Variants in BLMH observed in about 807,000 individuals in gnomAD.
BLMH encodes BLM hydrolase.
Under a neutral mutation model 61.6 loss-of-function variants are expected in BLMH, and 32 were observed. The observed-to-expected ratio is 0.52, with a 90% confidence interval of 0.39 to 0.70. The LOEUF (loss-of-function observed/expected upper bound fraction) is 0.70. Ranked by LOEUF, BLMH falls within the 30% of genes least tolerant of loss-of-function variation. The pLI is 0.00. For missense variants in BLMH, 460 were observed against 555.5 expected (o/e 0.83, Z 1.73); for synonymous variants, 183 against 193.8 (o/e 0.94, Z 0.46).
At chr17:30,284,357 A>G (rs940736853) in intron 6 of BLMH, among the ~76,000 whole-genome samples, 3 of 152,240 alleles carry the variant, frequency 2.0e-5, no homozygotes, top group Non-Finnish European at 4.4e-5. Flanking sequence ...GCCTGACTTC[A>G]GAGATTACAC....
chr17:30,291,723 G>A, intron 1 of BLMH, 84 bp downstream of exon 1: 1 of 1,416,514 alleles, frequency 7.1e-7, no homozygotes, highest in East Asian at 2.5e-5. Flanking sequence ...AAGGGTCCCA[G>A]CCCCCGGCCT....
chr17:30,255,462 A>T (rs1238474869), intron 11 of BLMH, among the ~76,000 whole-genome samples: 1 of 152,222 alleles, frequency 6.6e-6, no homozygotes, highest in Non-Finnish European at 1.5e-5. Context: ...AAATTTCCTT[A>T]TATCCTAATC....
intron 10 of BLMH, 131 bp downstream of exon 10, chr17:30,271,140 T>C (rs1324786615): frequency 1.4e-6 from 1 of 699,214 alleles, no homozygotes; most frequent in Non-Finnish European, 2.5e-6. Flanking sequence ...GCAGGTACGA[T>C]GTCTTACTTG....
chr17:30,289,317 G>C (rs1908818317), intron 3 of BLMH, 56 bp downstream of exon 3: 3 of 1,145,308 alleles, frequency 2.6e-6, no homozygotes, highest in African/African-American at 3.2e-5. Context: ...AGAAGAGGCA[G>C]TCCCTACCAA....
intron 11 of BLMH, among the ~76,000 whole-genome samples, chr17:30,265,248 A>C (rs997986738): frequency 4.6e-5 from 7 of 152,344 alleles, no homozygotes; most frequent in Middle Eastern, 3.4e-3. Context: ...AAAGCCCTCG[A>C]ATGACAAATA....
At chr17:30,265,908 CAAT>C (rs1908090773) in intron 11 of BLMH, among the ~76,000 whole-genome samples, 1 of 151,956 alleles carries the variant, frequency 6.6e-6, no homozygotes, top group African/African-American at 2.4e-5. Context: ...CAAAATTTTA[CAAT>C]AATATACCCT....
intron 9 of BLMH, 26 bp from the exon 10 acceptor site, chr17:30,271,414 T>C: frequency 6.3e-7 from 1 of 1,576,226 alleles, no homozygotes; most frequent in South Asian, 1.1e-5. Flanking sequence ...TAGTACAAAA[T>C]AAAGGGAGTA....
At chr17:30,276,056 C>T (rs549415850) in intron 6 of BLMH, among the ~76,000 whole-genome samples, 1 of 151,914 alleles carries the variant, frequency 6.6e-6, no homozygotes, top group East Asian at 1.9e-4. Flanking sequence ...GAGATTGAGA[C>T]ACAAAGAAAC....
At chr17:30,261,306 G>A (rs1907952657) in intron 11 of BLMH, among the ~76,000 whole-genome samples, 1 of 152,176 alleles carries the variant, frequency 6.6e-6, no homozygotes, top group African/African-American at 2.4e-5. Context: ...CATAAAACCT[G>A]GGTATAATCA....
At chr17:30,278,606 T>C (rs1597664863) in intron 6 of BLMH, among the ~76,000 whole-genome samples, 1 of 152,308 alleles carries the variant, frequency 6.6e-6, no homozygotes, top group African/African-American at 2.4e-5. Context: ...CACTGTTTAA[T>C]CTCCAATGCC....
At chr17:30,254,712 A>G (rs916489820) in intron 11 of BLMH, among the ~76,000 whole-genome samples, 1 of 152,230 alleles carries the variant, frequency 6.6e-6, no homozygotes. Flanking sequence ...ACCCAAACTC[A>G]TCATAAAAAG....
In BLMH at chr17:30,272,874, G is replaced by C; in HGVS notation, c.827C>G (p.Pro276Arg). ...GTAAAGTTTGTTGTACTTGTGCTGGGGCCTAGGGTCATTCACTAAACAAAT... is the reference window on the plus strand; with the variant it reads ...GTAAAGTTTGTTGTACTTGTGCTGGCGCCTAGGGTCATTCACTAAACAAAT... ...DKICLVNDPR[P>R]QHKYNKLYTV... The change falls in exon 8 of 12, where the codon CCC (proline) becomes CGC (arginine). Residue 276 changes from proline (P) to arginine (R), a missense_variant. Pro to Arg is a moderately radical substitution (Grantham distance 103). Coordinates refer to ENST00000261714, the MANE Select transcript of BLMH (RefSeq NM_000386.4). The C allele has an allele frequency of 6.2e-7, 1 of 1,613,720 alleles. No individual in the cohort carries two copies.
chr17:30,275,685 CA>C (rs1473260139), intron 6 of BLMH, among the ~76,000 whole-genome samples: 71 of 136,164 alleles, frequency 5.2e-4, no homozygotes, highest in Admixed American at 4.4e-4. Context: ...GACTCCATCT[CA>C]AAAAAAAAAA....
chr17:30,278,016 CAA>C (rs1384718075), intron 6 of BLMH, among the ~76,000 whole-genome samples: 1 of 151,936 alleles, frequency 6.6e-6, no homozygotes, highest in Non-Finnish European at 1.5e-5. Context: ...ATAAATTATC[CAA>C]AGTCATTAAT....
rs991028274 is a variant in BLMH at position 30,288,278 on chromosome 17, T to A, written c.322-331A>T. 8.9e-5 allele frequency: 21 copies of A among 234,812 alleles called. No homozygotes were observed. The Admixed American group carries it at 1.1e-3, about 12-fold the overall frequency. The allele number at this position is 234,812 out of a possible 1,614,324, so 14.5% of individuals were successfully genotyped here. A position where few individuals can be genotyped will look rare whatever the true frequency, so the allele number is the denominator to read the frequency against. On this transcript the variant is annotated intron_variant, in intron 3 of 11. Transcript: ENST00000261714. ...TCTTTTACCTGTGTATGTATCCCAATATATTGTGTATATGTGTACAGTGTT... is the reference window on the plus strand; with the variant it reads ...TCTTTTACCTGTGTATGTATCCCAAAATATTGTGTATATGTGTACAGTGTT...
intron 2 of BLMH, among the ~76,000 whole-genome samples, chr17:30,290,519 C>T (rs1235636546): frequency 6.6e-6 from 1 of 152,194 alleles, no homozygotes; most frequent in Non-Finnish European, 1.5e-5. Context: ...ATAAAATGTA[C>T]TCACGTTAAA....
At chr17:30,285,946 A>AT (rs1908716272) in intron 5 of BLMH, among the ~76,000 whole-genome samples, 1 of 151,114 alleles carries the variant, frequency 6.6e-6, no homozygotes, top group South Asian at 2.1e-4. Flanking sequence ...TTTTCATTTC[A>AT]TTTTTTCACC....
In BLMH at chr17:30,285,357, G is replaced by C. The variant is rs368757390; in HGVS notation, c.645+31C>G. On this transcript the variant is annotated intron_variant, in intron 6 of 11. Transcript: ENST00000261714. ...GAATATTCTGAGAGTTCCTTAGAGG[G>C]GTCACAAAAAAATCCAAATTTTGTT... 2.0e-6 allele frequency: 3 copies of C among 1,470,772 alleles called. No individual in the cohort carries two copies. The African/African-American group carries it at 4.2e-5, about 21-fold the overall frequency. The allele number at this position is 1,470,772 out of a possible 1,614,324, so 91.1% of individuals were successfully genotyped here.
chr17:30,254,760 T>A (rs1047729729), intron 11 of BLMH, among the ~76,000 whole-genome samples: 1 of 152,172 alleles, frequency 6.6e-6, no homozygotes, highest in Non-Finnish European at 1.5e-5. Flanking sequence ...AGAAGACAAA[T>A]ATTAATTTTT....
Sources: allele counts gnomAD v4.1 joint callset (sites outside exome capture counted in the v4.1 genomes callset), GRCh38; gene constraint gnomAD v4.1.1; transcripts MANE v1.5; gene names NCBI Gene and HGNC (gene_info 2026-07-23, HGNC 2026-07-21).